The following PLPPR1 variants were observed in gnomAD, a reference collection of about 807,000 sequenced individuals.
PLPPR1 encodes phospholipid phosphatase related 1, also known as phospholipid phosphatase-related protein type 1.
Under a neutral mutation model 33.1 loss-of-function variants are expected in PLPPR1, and 10 were observed. The observed-to-expected ratio is 0.30, with a 90% CI of 0.19 to 0.51. PLPPR1 has a LOEUF of 0.51. Among genes scored for constraint, PLPPR1 ranks in the 20% least tolerant of loss-of-function variants. The pLI is 0.97. For missense variants in PLPPR1, 304 were observed against 408.1 expected (o/e 0.74, Z 2.20); for synonymous variants, 151 against 151.0 (o/e 1.00, Z 0.00).
chr9:101,294,143 A>G lies in PLPPR1; in HGVS notation c.385+7907A>G, dbSNP rs1449980438. Among the ~76,000 whole-genome samples the G allele has an allele frequency of 2.0e-5, 3 of 152,272 alleles. No homozygotes were observed. In the East Asian group the frequency reaches 5.8e-4, roughly 29 times the overall value. ...ATATCACCACCGATCCCACAGAAAT[A>G]CAAACTATCATCAGAGAATACTACA... On this transcript the variant is annotated intron_variant, in intron 4 of 7. Coordinates refer to ENST00000374874, the MANE Select transcript of PLPPR1 (RefSeq NM_207299.2).
At chr9:101,217,006 A>G (rs1267669399) in intron 2 of PLPPR1, among the ~76,000 whole-genome samples, 2 of 152,358 alleles carry the variant, frequency 1.3e-5, no homozygotes, top group East Asian at 1.9e-4. Flanking sequence ...TTACTAAGCA[A>G]TGAATAAGGA....
At position 101,232,823 on chromosome 9, in the gene PLPPR1, T is replaced by C. The variant is rs369244854; in HGVS notation, c.64-37057T>C. On this transcript the variant is annotated intron_variant, in intron 2 of 7. Transcript: ENST00000374874. ...GTTTCCTCAATCAGTAAAATGGGTATAAAGGCACTCAACATTACGAGGGGC... is the reference window on the plus strand; with the variant it reads ...GTTTCCTCAATCAGTAAAATGGGTACAAAGGCACTCAACATTACGAGGGGC... Among the ~76,000 whole-genome samples, 171 of 152,132 alleles carry C rather than the reference T, an allele frequency of 1.1e-3. 2 individuals carry two copies. In the South Asian group the frequency reaches 0.016, roughly 14 times the overall value.
At chr9:101,041,471 C>G (rs1212153869) in intron 1 of PLPPR1, among the ~76,000 whole-genome samples, 1 of 152,028 alleles carries the variant, frequency 6.6e-6, no homozygotes, top group Non-Finnish European at 1.5e-5. Context: ...GGACATATAC[C>G]TTCTTATTTC....
chr9:101,310,185 A>G (rs1466375858), intron 5 of PLPPR1, among the ~76,000 whole-genome samples: 1 of 152,126 alleles, frequency 6.6e-6, no homozygotes, highest in East Asian at 1.9e-4. Context: ...AACTGTATTC[A>G]TTTTGGAAAT....
chr9:101,293,661 A>G (rs1828562732), intron 4 of PLPPR1, among the ~76,000 whole-genome samples: 2 of 152,124 alleles, frequency 1.3e-5, no homozygotes, highest in African/African-American at 2.4e-5. Context: ...ACTAAAAACC[A>G]CTCAACTACA....
At chr9:101,140,413 T>C (rs1831435207) in intron 1 of PLPPR1, among the ~76,000 whole-genome samples, 1 of 114,556 alleles carries the variant, frequency 8.7e-6, no homozygotes, top group African/African-American at 2.9e-5. Context: ...TAAAATAGCC[T>C]TGAAATCGTT....
intron 1 of PLPPR1, among the ~76,000 whole-genome samples, chr9:101,068,782 A>C (rs776037823): frequency 5.9e-5 from 9 of 152,096 alleles, no homozygotes; most frequent in Non-Finnish European, 1.3e-4. Context: ...AAGGCAATCA[A>C]AACTATAATC....
At chr9:101,142,299 T>G (rs1454409016) in intron 1 of PLPPR1, among the ~76,000 whole-genome samples, 3 of 152,192 alleles carry the variant, frequency 2.0e-5, no homozygotes, top group African/African-American at 4.8e-5. Flanking sequence ...GTCATACATT[T>G]TGAGTGACTT....
chr9:101,309,828 C>T (rs962652392), intron 5 of PLPPR1, among the ~76,000 whole-genome samples: 3 of 151,950 alleles, frequency 2.0e-5, no homozygotes, highest in Non-Finnish European at 4.4e-5. Context: ...TACTCTTTGT[C>T]AAGGTTTTCG....
At chr9:101,166,444 G>T (rs1157359401) in intron 1 of PLPPR1, among the ~76,000 whole-genome samples, 1 of 152,148 alleles carries the variant, frequency 6.6e-6, no homozygotes, top group Non-Finnish European at 1.5e-5. Flanking sequence ...AAATAGGCAA[G>T]AAGTTGTGAA....
intron 4 of PLPPR1, 32 bp downstream of exon 4, chr9:101,286,268 C>A: frequency 6.4e-7 from 1 of 1,561,224 alleles, no homozygotes; most frequent in Non-Finnish European, 8.7e-7. Flanking sequence ...ACTAAGCTCT[C>A]ACATAAAAGT....
intron 6 of PLPPR1, among the ~76,000 whole-genome samples, chr9:101,316,226 G>A (rs1339510176): frequency 6.6e-6 from 1 of 152,118 alleles, no homozygotes; most frequent in Non-Finnish European, 1.5e-5. Context: ...CATGATGTCA[G>A]GAGATCGAGA....
intron 2 of PLPPR1, among the ~76,000 whole-genome samples, chr9:101,267,863 TC>T (rs1828025149): frequency 6.6e-6 from 1 of 152,178 alleles, no homozygotes; most frequent in Non-Finnish European, 1.5e-5. Flanking sequence ...TTATAATGTG[TC>T]TCAAGTACAA....
chr9:101,065,766 A>G (rs879748387), intron 1 of PLPPR1, among the ~76,000 whole-genome samples: 3 of 152,104 alleles, frequency 2.0e-5, no homozygotes, highest in Admixed American at 2.0e-4. Flanking sequence ...CTTTATTTAT[A>G]GTTAGAAATA....
intron 3 of PLPPR1, among the ~76,000 whole-genome samples, chr9:101,283,585 T>C (rs560708402): frequency 5.3e-5 from 8 of 152,252 alleles, no homozygotes; most frequent in Admixed American, 3.9e-4. Flanking sequence ...TCATGACATA[T>C]GTCTGGGCAA....
intron 2 of PLPPR1, among the ~76,000 whole-genome samples, chr9:101,246,468 T>C (rs1362142308): frequency 6.6e-6 from 1 of 152,012 alleles, no homozygotes; most frequent in African/African-American, 2.4e-5. Flanking sequence ...TTCTGAGCTC[T>C]TCAGGTAATT....
At chr9:101,114,989 A>AT (rs1831101905) in intron 1 of PLPPR1, among the ~76,000 whole-genome samples, 1 of 152,116 alleles carries the variant, frequency 6.6e-6, no homozygotes, top group Non-Finnish European at 1.5e-5. Context: ...CTTGTAGCTA[A>AT]TTATGTTTCT....
At chr9:101,247,056 C>T (rs1827623717) in intron 2 of PLPPR1, among the ~76,000 whole-genome samples, 1 of 151,942 alleles carries the variant, frequency 6.6e-6, no homozygotes, top group African/African-American at 2.4e-5. Context: ...AGAGAAACTA[C>T]AAGGGAAATG....
intron 2 of PLPPR1, among the ~76,000 whole-genome samples, chr9:101,195,286 A>C (rs1369601988): frequency 1.3e-5 from 2 of 152,188 alleles, no homozygotes; most frequent in Non-Finnish European, 2.9e-5. Context: ...ATTGCATTCC[A>C]CAAATATATT....
Sources: gnomAD v4.1 joint callset for allele counts (sites outside exome capture counted in the v4.1 genomes callset) on GRCh38, gnomAD v4.1.1 for gene constraint, MANE v1.5 for transcripts, NCBI Gene and HGNC (gene_info 2026-07-23, HGNC 2026-07-21) for gene names.